Variants in CDCA5 observed in about 807,000 individuals in gnomAD.
CDCA5 encodes the protein cell division cycle associated 5.
A neutral mutation model predicts 25.7 loss-of-function variants in CDCA5; 14 were observed. The ratio of observed to expected loss-of-function variants is 0.54; its 90% CI spans 0.36 to 0.85. CDCA5 has a LOEUF of 0.85. Among genes scored for constraint, CDCA5 ranks in the 40% least tolerant of loss-of-function variants. The probability of loss-of-function intolerance (pLI) is 0.01; values close to 1 mark genes in which losing one functional copy is unlikely to be tolerated. For missense variants in CDCA5, 307 were observed against 324.5 expected (o/e 0.95, Z 0.41); for synonymous variants, 127 against 128.7 (o/e 0.99, Z 0.09).
downstream of CDCA5, chr11:65,066,155 G>A (rs912200278): frequency 1.8e-5 from 4 of 226,444 alleles, no homozygotes; most frequent in Admixed American, 1.1e-4. Context: ...GGGCCATGTC[G>A]GGGAGGGGTA....
At chr11:65,080,849 A>G (rs1239229920) in intron 4 of CDCA5, among the ~76,000 whole-genome samples, 1 of 152,240 alleles carries the variant, frequency 6.6e-6, no homozygotes, top group Non-Finnish European at 1.5e-5. Context: ...AAAATTCAGT[A>G]TTATGTTAGC....
intron 1 of CDCA5, 78 bp downstream of exon 1, chr11:65,083,855 G>T (rs546777873): frequency 9.4e-6 from 15 of 1,597,794 alleles, no homozygotes; most frequent in Non-Finnish European, 1.3e-5. Flanking sequence ...GCGGCAGCGG[G>T]AGGGAAGAGG....
chr11:65,072,819 A>G (rs1947365081), downstream of CDCA5, among the ~76,000 whole-genome samples: 1 of 151,884 alleles, frequency 6.6e-6, no homozygotes. Flanking sequence ...TGAAGGTGCT[A>G]TGATGGAGGT....
downstream of CDCA5, among the ~76,000 whole-genome samples, chr11:65,076,176 C>T (rs527476924): frequency 2.6e-5 from 4 of 152,312 alleles, no homozygotes; most frequent in East Asian, 7.7e-4. Flanking sequence ...AGTGCAATGG[C>T]GTCACCATGG....
chr11:65,067,640 G>C (rs867598799), intron 4 of CDCA5: 3 of 1,287,154 alleles, frequency 2.3e-6, no homozygotes, highest in African/African-American at 3.0e-5. Flanking sequence ...GCTCCCATCT[G>C]CCCGCCCAGA....
chr11:65,083,236 C>G, intron 4 of CDCA5, 128 bp downstream of exon 4: 1 of 1,030,920 alleles, frequency 9.7e-7, no homozygotes. Flanking sequence ...CATGCAGGTG[C>G]CCACAGGCAA....
rs1947495306 is a variant in CDCA5 at position 65,078,758 on chromosome 11, CCT to C, written c.*347_*348del. The stretch of plus-strand genomic sequence containing the variant: ...ACCCCTCCCAACAAGAGCAGAGGTG[CCT>C]CTCACCTCAACCCTCAGCCCTTTAA... On this transcript the variant is annotated 3_prime_UTR_variant, in exon 6 of 6. Coordinates refer to ENST00000275517, the MANE Select transcript of CDCA5 (RefSeq NM_080668.4). 2 of 1,051,288 alleles carry C rather than the reference CCT, an allele frequency of 1.9e-6. No individual in the cohort carries two copies. 65.1% of individuals were successfully genotyped at this position (1,051,288 alleles called of 1,614,324 possible). A position where few individuals can be genotyped will look rare whatever the true frequency, so the allele number is the denominator to read the frequency against.
At chr11:65,069,524 T>A (rs1283544449) in intron 1 of CDCA5, among the ~76,000 whole-genome samples, 1 of 152,074 alleles carries the variant, frequency 6.6e-6, no homozygotes, top group Non-Finnish European at 1.5e-5. Context: ...CCCTGGAAAG[T>A]CCCAGAGCTC....
chr11:65,079,464 G>A lies in CDCA5; in HGVS notation c.567C>T (p.Thr189=). The change falls in exon 5 of 6, where the codon ACC becomes ACT. Residue 189 remains threonine (T), a synonymous_variant. Coordinates refer to ENST00000275517, the MANE Select transcript of CDCA5 (RefSeq NM_080668.4). ...GVSPVVCSKL[T]EVPRVCAKPW... ...GCTTTGCACAAACCCTGGGGACCTC[G>A]GTGAGTTTGGAGCACACCACTGGCG... 1.1e-5 allele frequency: 18 copies of A among 1,614,086 alleles called. No homozygotes were observed. The highest frequency in any genetic ancestry group is 2.2e-5 in the East Asian group (1 of 44,864).
chr11:65,069,369 C>T (rs926596110), intron 1 of CDCA5, among the ~76,000 whole-genome samples: 5 of 152,062 alleles, frequency 3.3e-5, no homozygotes, highest in Admixed American at 2.0e-4. Flanking sequence ...AGTCCACCTG[C>T]GCCTCTAGAT....
chr11:65,061,907 C>G (rs575785255), downstream of CDCA5, among the ~76,000 whole-genome samples: 9 of 145,034 alleles, frequency 6.2e-5, no homozygotes, highest in South Asian at 1.9e-3. Context: ...GTATTTCCAG[C>G]TGCCTAATTT....
Position 65,079,399 on chromosome 11 carries a change from G to C in CDCA5, c.632C>G (p.Pro211Arg), listed in dbSNP as rs1340659359. ...PDMTLPGISP[P>R]PEKQKRKKKK... ...CTTCTTACGTTTCTGTTTCTCGGGT[G>C]GTGGGGAGATTCCAGGGAGAGTCAT... is the stretch of plus-strand genomic sequence containing the variant. Residue 211 changes from proline (P) to arginine (R), a missense_variant, in exon 5 of 6, where the codon CCA becomes CGA. Physicochemically the swap from Pro to Arg is moderately radical, Grantham distance 103. Coordinates refer to ENST00000275517, the MANE Select transcript of CDCA5 (RefSeq NM_080668.4). 6.2e-7 allele frequency: 1 copy of C among 1,614,012 alleles called. No homozygotes were observed. Among genetic ancestry groups the C allele is most frequent in the Non-Finnish European group, 8.5e-7 (1 of 1,180,026 alleles).
At chr11:65,072,233 AG>A (rs1428198877) in intron 1 of CDCA5, among the ~76,000 whole-genome samples, 1 of 152,236 alleles carries the variant, frequency 6.6e-6, no homozygotes, top group Non-Finnish European at 1.5e-5. Flanking sequence ...ATACCCAAGC[AG>A]GTGGCTGTCA....
intron 3 of CDCA5, chr11:65,067,850 C>T: frequency 1.1e-6 from 1 of 883,432 alleles, no homozygotes. Flanking sequence ...GCCCCGGCTT[C>T]AGCAGGCCTC....
chr11:65,083,554 G>C lies in CDCA5; in HGVS notation c.142-4C>G, dbSNP rs1947620415. On this transcript the variant is annotated splice_polypyrimidine_tract_variant and splice_region_variant and intron_variant, in intron 2 of 5. Transcript: ENST00000275517. Reference sequence around the variant, plus strand: ...TGACTGCAGCCGCACTGGGTGTCTGGAGAAGAGGGATGAACGTGAGCTCAA... The same window carrying C: ...TGACTGCAGCCGCACTGGGTGTCTGCAGAAGAGGGATGAACGTGAGCTCAA... The C allele has an allele frequency of 3.1e-6, 5 of 1,614,030 alleles. No homozygotes were observed. Among genetic ancestry groups the C allele is most frequent in the Non-Finnish European group, 4.2e-6 (5 of 1,180,014 alleles).
Position 65,079,682 on chromosome 11 carries a change from C to T in CDCA5, c.349G>A (p.Val117Met), listed in dbSNP as rs1327754432. ...SVPATPTSTP[V>M]PNPEAESSSK... Reference sequence around the variant, plus strand: ...CTGGACTCGGCCTCAGGGTTCGGCACAGGAGTGCTGGTGGGGGTGGCAGGG... The same window carrying T: ...CTGGACTCGGCCTCAGGGTTCGGCATAGGAGTGCTGGTGGGGGTGGCAGGG... The change falls in exon 5 of 6, where the codon GTG becomes ATG. Residue 117 changes from valine (V) to methionine (M), a missense_variant. By Grantham distance (21) the Val-to-Met change is conservative. Transcript: ENST00000275517. The T allele has an allele frequency of 3.1e-6, 5 of 1,593,882 alleles. No individual in the cohort carries two copies. The highest frequency in any genetic ancestry group is 4.3e-6 in the Non-Finnish European group (5 of 1,168,466).
rs531336825 is a variant in CDCA5, at chr11:65,068,688, T to C, written c.64-87A>G. 1.5e-4 allele frequency: 116 copies of C among 757,324 alleles called. 2 individuals carry two copies. The highest frequency in any genetic ancestry group is 8.4e-4 in the Middle Eastern group (3 of 3,556). The allele number at this position is 757,324 out of a possible 1,614,324, so 46.9% of individuals were successfully genotyped here. ...CCTGGTCTGGTTTTTAGGGGGCGGC[T>C]TCCAGCCTGGCGAGCGTCTATCACC... On this transcript the variant is annotated intron_variant, in intron 1 of 6. Coordinates refer to the CDCA5 transcript ENST00000525464.
chr11:65,074,600 A>T (rs1393045188), downstream of CDCA5, among the ~76,000 whole-genome samples: 1 of 152,074 alleles, frequency 6.6e-6, no homozygotes, highest in Non-Finnish European at 1.5e-5. Context: ...AAGGCCAGGC[A>T]TGGTGACACG....
At chr11:65,074,294 A>G (rs1410148004), downstream of CDCA5, among the ~76,000 whole-genome samples, 4 of 152,084 alleles carry the variant, frequency 2.6e-5, no homozygotes, top group Non-Finnish European at 5.9e-5. Flanking sequence ...GCTGGTCTTG[A>G]ACTCCTGACC....
Sources: allele counts gnomAD v4.1 joint callset (sites outside exome capture counted in the v4.1 genomes callset), GRCh38; gene constraint gnomAD v4.1.1; transcripts MANE v1.5; gene names NCBI Gene and HGNC (gene_info 2026-07-23, HGNC 2026-07-21).